UNC5D: variants seen among roughly 807,000 people sequenced by gnomAD.
UNC5D encodes the protein netrin receptor UNC5D.
A neutral mutation model predicts 105.4 loss-of-function variants in UNC5D; 39 were observed. That is an observed-to-expected ratio of 0.37 (90% CI 0.29 to 0.48). The LOEUF (loss-of-function observed/expected upper bound fraction) is 0.48. UNC5D is among the 20% of genes least tolerant of loss of function. The probability of loss-of-function intolerance (pLI) is 0.98; values close to 1 mark genes in which losing one functional copy is unlikely to be tolerated. For missense variants in UNC5D, 991 were observed against 1,202.4 expected (o/e 0.82, Z 2.60); for synonymous variants, 452 against 450.4 (o/e 1.00, Z -0.04).
chr8:35,598,303 A>G (rs994675326), intron 4 of UNC5D, among the ~76,000 whole-genome samples: 4 of 152,166 alleles, frequency 2.6e-5, no homozygotes, highest in Admixed American at 6.6e-5. Context: ...AAATTCAGTG[A>G]GGGAAATTTG....
At chr8:35,337,585 GTTC>G (rs1364871194) in intron 1 of UNC5D, among the ~76,000 whole-genome samples, 3 of 152,278 alleles carry the variant, frequency 2.0e-5, no homozygotes, top group South Asian at 2.1e-4. Context: ...TTTGTGGGCA[GTTC>G]TTCTTAGCAT....
At chr8:35,484,775 C>G (rs1810721763) in intron 1 of UNC5D, among the ~76,000 whole-genome samples, 1 of 152,090 alleles carries the variant, frequency 6.6e-6, no homozygotes, top group Non-Finnish European at 1.5e-5. Flanking sequence ...GGCCGCTATA[C>G]CAAGCACTTC....
At chr8:35,695,656 C>G (rs1202200375) in intron 7 of UNC5D, among the ~76,000 whole-genome samples, 1 of 151,962 alleles carries the variant, frequency 6.6e-6, no homozygotes, top group African/African-American at 2.4e-5. Flanking sequence ...ACAGGCTTCT[C>G]TCATTCATAA....
At chr8:35,358,754 T>C (rs774965727) in intron 1 of UNC5D, among the ~76,000 whole-genome samples, 6 of 152,218 alleles carry the variant, frequency 3.9e-5, no homozygotes, top group Non-Finnish European at 8.8e-5. Context: ...ACTCTTTCCT[T>C]ATGAGACATT....
At chr8:35,495,347 T>C (rs897605283) in intron 1 of UNC5D, among the ~76,000 whole-genome samples, 1 of 150,908 alleles carries the variant, frequency 6.6e-6, no homozygotes, top group African/African-American at 2.4e-5. Context: ...AGCCTTGATT[T>C]AGAGCAGGGT....
intron 7 of UNC5D, among the ~76,000 whole-genome samples, chr8:35,691,192 A>AAAAT (rs1301680913): frequency 2.0e-5 from 3 of 152,330 alleles, no homozygotes; most frequent in Non-Finnish European, 4.4e-5. Flanking sequence ...TCTCAACAAG[A>AAAAT]AAATAAATAC....
intron 1 of UNC5D, among the ~76,000 whole-genome samples, chr8:35,313,822 A>G (rs1809078807): frequency 1.3e-5 from 2 of 152,202 alleles, no homozygotes; most frequent in African/African-American, 4.8e-5. Context: ...CAAAGATTGA[A>G]TGAGTTTATT....
intron 1 of UNC5D, among the ~76,000 whole-genome samples, chr8:35,307,228 G>C (rs1347508134): frequency 6.6e-6 from 1 of 152,180 alleles, no homozygotes; most frequent in Non-Finnish European, 1.5e-5. Context: ...GCCGCAGGTT[G>C]GACCAGCTTG....
At chr8:35,590,458 G>C (rs1819095121) in intron 3 of UNC5D, among the ~76,000 whole-genome samples, 1 of 151,856 alleles carries the variant, frequency 6.6e-6, no homozygotes, top group Non-Finnish European at 1.5e-5. Context: ...CTCCAAAAGG[G>C]CAACTAGTCA....
chr8:35,654,357 C>G lies in UNC5D; in HGVS notation c.571-29190C>G, dbSNP rs557012223. 1.5e-4 allele frequency among the ~76,000 whole-genome samples: 23 copies of G among 152,238 alleles called. No individual in the cohort carries two copies. In the South Asian group the frequency reaches 4.8e-3, roughly 32 times the overall value. Reference sequence around the variant, plus strand: ...CAAGAAAAGCTAAGTTTTCTGTGGACAGGGCTTTTTCTAGTTCATGCTCTG... The same window carrying G: ...CAAGAAAAGCTAAGTTTTCTGTGGAGAGGGCTTTTTCTAGTTCATGCTCTG... On this transcript the variant is annotated intron_variant, in intron 4 of 16. Transcript: ENST00000404895.
rs552711170 is a variant in UNC5D, at chr8:35,339,085, C to T, written c.103+103198C>T. Among the ~76,000 whole-genome samples, 9 of 152,170 alleles carry T rather than the reference C, an allele frequency of 5.9e-5. No individual in the cohort carries two copies. In the East Asian group the frequency reaches 1.5e-3, roughly 26 times the overall value. The stretch of plus-strand genomic sequence containing the variant: ...AAGAAAGAGAACTTAGAGAACAGAC[C>T]CATGTAATAGTTTGATGTAGTCCAA... On this transcript the variant is annotated intron_variant, in intron 1 of 16. Coordinates refer to ENST00000404895, the MANE Select transcript of UNC5D (RefSeq NM_080872.4).
At chr8:35,560,410 T>C (rs1179815758) in intron 2 of UNC5D, among the ~76,000 whole-genome samples, 1 of 152,232 alleles carries the variant, frequency 6.6e-6, no homozygotes, top group Non-Finnish European at 1.5e-5. Context: ...CACGTATATG[T>C]ATGCATATAT....
At chr8:35,772,445 G>A (rs186247324) in intron 15 of UNC5D, among the ~76,000 whole-genome samples, 3 of 152,238 alleles carry the variant, frequency 2.0e-5, no homozygotes, top group East Asian at 1.9e-4. Flanking sequence ...ATGTGAGCCC[G>A]GCTGCTAGCT....
intron 1 of UNC5D, among the ~76,000 whole-genome samples, chr8:35,251,661 T>C (rs907161144): frequency 6.6e-6 from 1 of 152,206 alleles, no homozygotes; most frequent in Non-Finnish European, 1.5e-5. Context: ...GGTTAGAGAT[T>C]GTGCCATGTT....
chr8:35,345,894 C>G (rs1811776724), intron 1 of UNC5D, among the ~76,000 whole-genome samples: 1 of 151,986 alleles, frequency 6.6e-6, no homozygotes. Flanking sequence ...GCATCACCAA[C>G]TGAAAGAAAG....
chr8:35,706,624 T>C (rs10954989), intron 8 of UNC5D, among the ~76,000 whole-genome samples: 8,604 of 152,136 alleles, frequency 0.057, 489 homozygotes, highest in African/African-American at 0.12. Flanking sequence ...TCAAGGCTAT[T>C]GGAATTTAAG....
intron 1 of UNC5D, among the ~76,000 whole-genome samples, chr8:35,467,079 G>T (rs766831311): frequency 1.1e-4 from 16 of 152,160 alleles, no homozygotes; most frequent in Non-Finnish European, 1.8e-4. Context: ...TATAAAATTA[G>T]TGGGTGAAAA....
intron 1 of UNC5D, among the ~76,000 whole-genome samples, chr8:35,353,186 A>G (rs920502686): frequency 6.6e-6 from 1 of 152,224 alleles, no homozygotes; most frequent in East Asian, 1.9e-4. Flanking sequence ...TATCTTTAAA[A>G]TAAAGAACTT....
intron 4 of UNC5D, among the ~76,000 whole-genome samples, chr8:35,675,002 C>T (rs990697150): frequency 6.6e-6 from 1 of 152,124 alleles, no homozygotes; most frequent in African/African-American, 2.4e-5. Context: ...TCTACCCTGT[C>T]CCACTAGATA....
Sources: allele counts gnomAD v4.1 joint callset (sites outside exome capture counted in the v4.1 genomes callset), GRCh38; gene constraint gnomAD v4.1.1; transcripts MANE v1.5; gene names NCBI Gene and HGNC (gene_info 2026-07-23, HGNC 2026-07-21).